Variants in ZCCHC8 observed in about 807,000 individuals in gnomAD.
ZCCHC8 encodes the protein zinc finger CCHC domain-containing protein 8.
In ZCCHC8, 27 loss-of-function variants were observed where a neutral mutation model predicts 70.6. The observed-to-expected ratio is 0.38, with a 90% CI of 0.28 to 0.53. The LOEUF is 0.53. Among genes scored for constraint, ZCCHC8 ranks in the 20% least tolerant of loss-of-function variants. The probability of loss-of-function intolerance (pLI) is 0.81; values close to 1 mark genes in which losing one functional copy is unlikely to be tolerated. For missense variants in ZCCHC8, 737 were observed against 876.9 expected (o/e 0.84, Z 2.01); for synonymous variants, 293 against 317.4 (o/e 0.92, Z 0.82).
At chr12:122,475,778 G>A (rs1030000965) in intron 13 of ZCCHC8, among the ~76,000 whole-genome samples, 1 of 152,108 alleles carries the variant, frequency 6.6e-6, no homozygotes, top group Non-Finnish European at 1.5e-5. Context: ...TTCAGTGCCT[G>A]CCCAGACCCC....
chr12:122,478,378 G>A (rs1321103450), intron 11 of ZCCHC8, 86 bp from the exon 12 acceptor site: 5 of 874,634 alleles, frequency 5.7e-6, no homozygotes, highest in Non-Finnish European at 8.8e-6. Flanking sequence ...AGGTACAGTG[G>A]AGATCTCAAA....
At position 122,473,076 on chromosome 12, in the gene ZCCHC8, G is replaced by C. The variant is rs1164562132; in HGVS notation, c.*421C>G. 6.3e-6 allele frequency: 1 copy of C among 158,740 alleles called. No individual in the cohort carries two copies. The highest frequency in any genetic ancestry group is 2.4e-5 in the African/African-American group (1 of 41,512). The allele number at this position is 158,740 out of a possible 1,614,324, so 9.8% of individuals were successfully genotyped here. A position where few individuals can be genotyped will look rare whatever the true frequency, so the allele number is the denominator to read the frequency against. Reference sequence around the variant, plus strand: ...TGCTCATCCCTGATTTTTCTCATTTGGTTGTAGGAGTTGAAACATGAATTT... The same window carrying C: ...TGCTCATCCCTGATTTTTCTCATTTCGTTGTAGGAGTTGAAACATGAATTT... On this transcript the variant is annotated 3_prime_UTR_variant, in exon 14 of 14. Coordinates refer to ENST00000633063, the MANE Select transcript of ZCCHC8 (RefSeq NM_017612.5).
At chr12:122,482,806 A>G (rs1353021453) in intron 7 of ZCCHC8, 111 bp from the exon 8 acceptor site, 2 of 808,228 alleles carry the variant, frequency 2.5e-6, no homozygotes, top group Non-Finnish European at 4.0e-6. Context: ...AAGCAAGTTG[A>G]TCACAGATCA....
rs758726133 is a variant in ZCCHC8 at position 122,482,636 on chromosome 12, A to G, written c.731T>C (p.Met244Thr). Residue 244 changes from methionine (M) to threonine (T), a missense_variant and splice_region_variant, in exon 8 of 14, where the codon ATG becomes ACG. Coordinates refer to ENST00000633063, the MANE Select transcript of ZCCHC8 (RefSeq NM_017612.5). Reference protein sequence around the residue: ...SEEHQMKDCPMPRNAARISEK... With the variant: ...SEEHQMKDCPTPRNAARISEK... Reference sequence around the variant, plus strand: ...TTTCTTAACATGAGAAAAATTTACCATTGGGCAATCTTTCATTTGGTGTTC... The same window carrying G: ...TTTCTTAACATGAGAAAAATTTACCGTTGGGCAATCTTTCATTTGGTGTTC... 6 of 1,603,080 alleles carry G rather than the reference A, an allele frequency of 3.7e-6. No homozygotes were observed. Among genetic ancestry groups the G allele is most frequent in the African/African-American group, 2.7e-5 (2 of 74,790 alleles).
Position 122,474,188 on chromosome 12 carries a change from C to T in ZCCHC8, c.1433G>A (p.Gly478Glu). ...LPPDTPPLPR[G>E]TPPPVFTPPL... ...AGGGGTGAAGACGGGTGGAGGAGTT[C>T]CCCGGGGGAGTGGAGGAGTGTCAGG... The change falls in exon 14 of 14, where the codon GGA (glycine) becomes GAA (glutamate). Residue 478 changes from glycine (G) to glutamate (E), a missense_variant. Coordinates refer to ENST00000633063, the MANE Select transcript of ZCCHC8 (RefSeq NM_017612.5). 6.6e-7 allele frequency: 1 copy of T among 1,511,450 alleles called. No individual in the cohort carries two copies. The highest frequency in any genetic ancestry group is 2.5e-5 in the Admixed American group (1 of 40,326). The allele number at this position is 1,511,450 out of a possible 1,614,324, so 93.6% of individuals were successfully genotyped here.
At position 122,500,606 on chromosome 12, in the gene ZCCHC8, A is replaced by C; in HGVS notation, c.199+36T>G. On this transcript the variant is annotated intron_variant, in intron 1 of 13. Transcript: ENST00000633063. The surrounding 1 kb of genome is among the most constrained non-coding windows in gnomAD (Gnocchi z 4.8). The stretch of plus-strand genomic sequence containing the variant: ...ACGCCTGGCGCTGCCCCGGCCCCAC[A>C]CCCGGGTGACAGGGCCCAGCGAGAG... 11 of 1,506,308 alleles carry C rather than the reference A, an allele frequency of 7.3e-6. No homozygotes were observed. Among genetic ancestry groups the C allele is most frequent in the Non-Finnish European group, 9.8e-6 (11 of 1,118,250 alleles). 93.3% of individuals were successfully genotyped at this position (1,506,308 alleles called of 1,614,324 possible).
chr12:122,495,482 C>G (rs1957811914), intron 2 of ZCCHC8, among the ~76,000 whole-genome samples: 1 of 152,128 alleles, frequency 6.6e-6, no homozygotes, highest in South Asian at 2.1e-4. Flanking sequence ...CAGAGTGAGA[C>G]TCTGGCTCTG....
Position 122,471,794 on chromosome 12 carries a change from T to C in ZCCHC8, c.*1703A>G, listed in dbSNP as rs1464154236. 2 of 152,208 alleles carry C rather than the reference T, an allele frequency of 1.3e-5. No homozygotes were observed. Among genetic ancestry groups the C allele is most frequent in the East Asian group, 1.9e-4 (1 of 5,200 alleles). The allele number at this position is 152,208 out of a possible 1,614,324, so 9.4% of individuals were successfully genotyped here. On this transcript the variant is annotated 3_prime_UTR_variant, in exon 14 of 14. Transcript: ENST00000633063. ...CAAGTTCTCAAAAATGAAAGCTATA[T>C]CTGGAATGTTTCTATTTTGCTCCCC...
chr12:122,490,361 G>T, intron 4 of ZCCHC8, 101 bp downstream of exon 4: 1 of 907,640 alleles, frequency 1.1e-6, no homozygotes, highest in Non-Finnish European at 1.7e-6. Flanking sequence ...GGTAAACGGT[G>T]TTAATCATTT....
chr12:122,489,892 G>A (rs934811896), intron 4 of ZCCHC8, among the ~76,000 whole-genome samples: 2 of 151,606 alleles, frequency 1.3e-5, no homozygotes, highest in African/African-American at 4.8e-5. Flanking sequence ...AATAAAAAAC[G>A]TAATCAATCA....
At position 122,473,795 on chromosome 12, in the gene ZCCHC8, T is replaced by C. The variant is rs1391230786; in HGVS notation, c.1826A>G (p.Lys609Arg). The C allele has an allele frequency of 6.2e-7, 1 of 1,613,070 alleles. No homozygotes were observed. The highest frequency in any genetic ancestry group is 8.5e-7 in the Non-Finnish European group (1 of 1,179,416). ...PDSEVTSLCQ[K>R]EKAELAPVNT... ...TACCGGAGCCAACTCTGCTTTTTCC[T>C]TCTGACAAAGTGATGTCACCTCAGA... The change falls in exon 14 of 14, where the codon AAG becomes AGG. Residue 609 changes from lysine to arginine, a missense_variant. By Grantham distance (26) the Lys-to-Arg change is conservative (BLOSUM62 2). Coordinates refer to ENST00000633063, the MANE Select transcript of ZCCHC8 (RefSeq NM_017612.5).
At chr12:122,478,340 T>C (rs1380925782) in intron 11 of ZCCHC8, 48 bp from the exon 12 acceptor site, 1 of 1,406,752 alleles carries the variant, frequency 7.1e-7, no homozygotes, top group Non-Finnish European at 9.8e-7. Flanking sequence ...ATTTGGAAAA[T>C]GTCATGTTTT....
At chr12:122,474,954 C>T (rs1325322630) in intron 13 of ZCCHC8, among the ~76,000 whole-genome samples, 1 of 151,920 alleles carries the variant, frequency 6.6e-6, no homozygotes, top group Non-Finnish European at 1.5e-5. Context: ...AGGCTGGTCT[C>T]GAACTCCTGA....
chr12:122,500,538 T>C lies in ZCCHC8; in HGVS notation c.199+104A>G. On this transcript the variant is annotated intron_variant, in intron 1 of 13. Transcript: ENST00000633063. This position sits in a 1 kb window ranked among gnomAD's most constrained non-coding sequence, Gnocchi z 4.8. ...CTTGGAATTCTGGCCCTCCTGGAAC[T>C]TCCGCCCGCGCCCTCGCCCTCGCCC... 5 of 1,360,864 alleles carry C rather than the reference T, an allele frequency of 3.7e-6. No individual in the cohort carries two copies. The highest frequency in any genetic ancestry group is 4.9e-6 in the Non-Finnish European group (5 of 1,028,860). 84.3% of individuals were successfully genotyped at this position (1,360,864 alleles called of 1,614,324 possible). A position where few individuals can be genotyped will look rare whatever the true frequency, so the allele number is the denominator to read the frequency against.
rs376394723 is a variant in ZCCHC8, at chr12:122,473,454, C to A, written c.*43G>T. ...TATCCACTTAATTAGTACTAATTAACGGAACAAAGTTATTAAATAGCTCTC... is the reference window on the plus strand; with the variant it reads ...TATCCACTTAATTAGTACTAATTAAAGGAACAAAGTTATTAAATAGCTCTC... On this transcript the variant is annotated 3_prime_UTR_variant, in exon 14 of 14. Transcript: ENST00000633063. The A allele has an allele frequency of 1.9e-6, 3 of 1,578,110 alleles. No individual in the cohort carries two copies. Among genetic ancestry groups the A allele is most frequent in the Non-Finnish European group, 2.6e-6 (3 of 1,159,944 alleles).
At chr12:122,476,104 T>C (rs1440127524) in intron 13 of ZCCHC8, among the ~76,000 whole-genome samples, 1 of 152,250 alleles carries the variant, frequency 6.6e-6, no homozygotes, top group African/African-American at 2.4e-5. Flanking sequence ...CAATATGTAA[T>C]ACTATCATTC....
intron 2 of ZCCHC8, among the ~76,000 whole-genome samples, chr12:122,497,133 G>A (rs974977019): frequency 2.0e-5 from 3 of 151,304 alleles, no homozygotes; most frequent in Non-Finnish European, 2.9e-5. Context: ...CAGCCTGGGC[G>A]ACAGAGCGAG....
Position 122,492,265 on chromosome 12 carries a change from A to C in ZCCHC8, c.317+450T>G, listed in dbSNP as rs192809569. 651 of 170,272 alleles carry C rather than the reference A, an allele frequency of 3.8e-3. 4 individuals are homozygous for C. The highest frequency in any genetic ancestry group is 8.0e-3 in the Middle Eastern group (3 of 376). The allele number at this position is 170,272 out of a possible 1,614,324, so 10.5% of individuals were successfully genotyped here. On this transcript the variant is annotated intron_variant, in intron 3 of 13. Coordinates refer to ENST00000633063, the MANE Select transcript of ZCCHC8 (RefSeq NM_017612.5). ...AAAAGTCTAGTTTTGCTGTTAAAAC[A>C]AATAATCAAGTGAGTAGGCTTTGAA... is the stretch of plus-strand genomic sequence containing the variant.
chr12:122,486,812 C>T (rs899282938), intron 5 of ZCCHC8, among the ~76,000 whole-genome samples: 5 of 152,170 alleles, frequency 3.3e-5, no homozygotes, highest in African/African-American at 4.8e-5. Context: ...TCAGGTGATC[C>T]ACCTGCCTTG....
Sources: gnomAD v4.1 joint callset for allele counts (sites outside exome capture counted in the v4.1 genomes callset) on GRCh38, gnomAD v4.1.1 for gene constraint, Gnocchi (gnomAD v3.1) non-coding constraint, MANE v1.5 for transcripts, NCBI Gene and HGNC (gene_info 2026-07-23, HGNC 2026-07-21) for gene names.